ARHGEF16: variants seen among roughly 807,000 people sequenced by gnomAD.
ARHGEF16 encodes Rho guanine exchange factor (GEF) 16.
In ARHGEF16, 59 loss-of-function variants were observed where a neutral mutation model predicts 74.1. That is an observed-to-expected ratio of 0.80 (90% confidence interval 0.65 to 0.99). ARHGEF16 has a LOEUF of 0.99. ARHGEF16 is among the 50% of genes least tolerant of loss of function. The pLI, the probability that ARHGEF16 is intolerant of heterozygous loss-of-function variation, is 0.00. For missense variants in ARHGEF16, 948 were observed against 986.6 expected (o/e 0.96, Z 0.52); for synonymous variants, 415 against 412.6 (o/e 1.01, Z -0.07).
intron 1 of ARHGEF16, among the ~76,000 whole-genome samples, chr1:3,460,671 A>G (rs1639372593): frequency 2.0e-5 from 3 of 152,258 alleles, no homozygotes; most frequent in Admixed American, 6.5e-5. Context: ...TAAAACGCAG[A>G]CACCCTACTG....
chr1:3,462,876 G>A (rs758640147), intron 1 of ARHGEF16, among the ~76,000 whole-genome samples, 190 bp from the exon 2 acceptor site: 1 of 152,092 alleles, frequency 6.6e-6, no homozygotes. Context: ...GACATGGCTG[G>A]CTCCCAGTGG....
intron 2 of ARHGEF16, among the ~76,000 whole-genome samples, chr1:3,464,088 G>A (rs1212190364): frequency 6.6e-6 from 1 of 152,276 alleles, no homozygotes; most frequent in Non-Finnish European, 1.5e-5. Flanking sequence ...ACTCAGGCGG[G>A]AGGGACTGAA....
At chr1:3,467,064 G>A in intron 3 of ARHGEF16, 104 bp from the exon 4 acceptor site, 1 of 1,256,414 alleles carries the variant, frequency 8.0e-7, no homozygotes, top group South Asian at 1.5e-5. Flanking sequence ...CTCCCACACA[G>A]CCGTGAGAGC....
At chr1:3,455,012 C>T (rs1639233981) in intron 1 of ARHGEF16, among the ~76,000 whole-genome samples, 1 of 151,832 alleles carries the variant, frequency 6.6e-6, no homozygotes, top group South Asian at 2.1e-4. Flanking sequence ...GCGGGGCTCG[C>T]GGGCTGAGCC....
intron 1 of ARHGEF16, among the ~76,000 whole-genome samples, chr1:3,462,634 G>A (rs982618811): frequency 2.0e-5 from 3 of 152,226 alleles, no homozygotes; most frequent in Admixed American, 6.5e-5. Flanking sequence ...CCAGGTGTGA[G>A]CCAGGATTCC....
intron 6 of ARHGEF16, chr1:3,472,747 A>G (rs1639763874): frequency 4.0e-6 from 1 of 249,084 alleles, no homozygotes; most frequent in Non-Finnish European, 7.7e-6. Context: ...GGGCACCAGG[A>G]CAGGAGGTCC....
intron 4 of ARHGEF16, among the ~76,000 whole-genome samples, chr1:3,468,379 C>T (rs541235713): frequency 3.3e-5 from 5 of 152,286 alleles, no homozygotes; most frequent in East Asian, 1.9e-4. Flanking sequence ...CTCTACCAAT[C>T]GAGCCACACT....
intron 10 of ARHGEF16, among the ~76,000 whole-genome samples, chr1:3,477,450 G>A (rs1002169400): frequency 3.5e-5 from 5 of 143,202 alleles, no homozygotes; most frequent in Non-Finnish European, 7.6e-5. Flanking sequence ...GGCCCCAGAC[G>A]TGGAGCGTGG....
chr1:3,473,363 G>A (rs369113277), intron 7 of ARHGEF16, 30 bp from the exon 8 acceptor site: 4 of 1,586,420 alleles, frequency 2.5e-6, no homozygotes, highest in Admixed American at 1.7e-5. Context: ...GCCATGCAGA[G>A]CCTGGAAGGA....
intron 1 of ARHGEF16, among the ~76,000 whole-genome samples, chr1:3,460,996 C>T (rs1639379977): frequency 6.6e-6 from 1 of 152,098 alleles, no homozygotes; most frequent in Admixed American, 6.5e-5. Context: ...TAATCCAGGT[C>T]AGTTGTGTGG....
chr1:3,477,635 C>G (rs896519698), intron 10 of ARHGEF16, among the ~76,000 whole-genome samples: 7 of 125,940 alleles, frequency 5.6e-5, no homozygotes. Flanking sequence ...TCACCCAGCC[C>G]TGGGCTATCG....
At chr1:3,456,902 C>G (rs1639277862) in intron 1 of ARHGEF16, among the ~76,000 whole-genome samples, 1 of 152,160 alleles carries the variant, frequency 6.6e-6, no homozygotes, top group Admixed American at 6.5e-5. Flanking sequence ...GGTGGGAGGG[C>G]CAGGTGCACT....
chr1:3,457,323 G>T (rs900812581), intron 1 of ARHGEF16, among the ~76,000 whole-genome samples: 4 of 152,218 alleles, frequency 2.6e-5, no homozygotes, highest in African/African-American at 9.6e-5. Flanking sequence ...GGCCGAGTGG[G>T]GTCAGCCGGA....
intron 11 of ARHGEF16, 91 bp downstream of exon 11, chr1:3,478,117 G>A (rs931305288): frequency 2.6e-6 from 4 of 1,549,788 alleles, no homozygotes; most frequent in Admixed American, 1.7e-5. Context: ...AGTTGGCCCT[G>A]AGCCCCTCTG....
At chr1:3,470,448 GTT>G (rs1471181850) in intron 6 of ARHGEF16, among the ~76,000 whole-genome samples, 3 of 151,424 alleles carry the variant, frequency 2.0e-5, no homozygotes, top group Admixed American at 6.6e-5. Flanking sequence ...TGTATGCATG[GTT>G]GTGTGTGCGC....
At chr1:3,475,941 G>T in intron 9 of ARHGEF16, 29 bp from the exon 10 acceptor site, 1 of 1,543,252 alleles carries the variant, frequency 6.5e-7, no homozygotes, top group Non-Finnish European at 8.8e-7. Context: ...TGTAGCACCA[G>T]CCTCTCACAC....
intron 6 of ARHGEF16, chr1:3,471,649 GGCAGCT>G: frequency 1.6e-6 from 2 of 1,223,488 alleles, no homozygotes; most frequent in Non-Finnish European, 2.1e-6. Context: ...CTCTGCCTCA[GGCAGCT>G]GCATGTTTGC....
At chr1:3,455,211 G>C (rs1471056186) in intron 1 of ARHGEF16, among the ~76,000 whole-genome samples, 1 of 152,194 alleles carries the variant, frequency 6.6e-6, no homozygotes, top group Non-Finnish European at 1.5e-5. Context: ...GAGTTTGAAA[G>C]AGCATGGGGT....
intron 8 of ARHGEF16, chr1:3,474,236 CACAT>C (rs1391009265): frequency 1.1e-4 from 22 of 205,496 alleles, no homozygotes; most frequent in Admixed American, 5.8e-4. Flanking sequence ...TGGATGCACA[CACAT>C]GCATGCACAT....
Sources: allele counts gnomAD v4.1 joint callset (sites outside exome capture counted in the v4.1 genomes callset), GRCh38; gene constraint gnomAD v4.1.1; transcripts MANE v1.5; gene names NCBI Gene and HGNC (gene_info 2026-07-23, HGNC 2026-07-21).